ZNF618: variants seen among roughly 807,000 people sequenced by gnomAD.
ZNF618 encodes zinc finger protein 618.
In ZNF618, 34 loss-of-function variants were observed where a neutral mutation model predicts 103.0. The observed-to-expected ratio is 0.33, with a 90% CI of 0.25 to 0.44. The LOEUF (loss-of-function observed/expected upper bound fraction) is 0.44. Ranked by LOEUF, ZNF618 falls within the 20% of genes least tolerant of loss-of-function variation. ZNF618 has a pLI of 1.00. For synonymous variants in ZNF618, 551 were observed against 542.2 expected (o/e 1.02, Z -0.23); for missense variants, 1,059 against 1,295.4 (o/e 0.82, Z 2.80).
intron 10 of ZNF618, 55 bp downstream of exon 10, chr9:114,016,839 C>A: frequency 6.9e-7 from 1 of 1,441,316 alleles, no homozygotes; most frequent in Non-Finnish European, 9.6e-7. Flanking sequence ...ACAGGGTGGG[C>A]CAGCCGTTGG....
chr9:113,968,159 T>C (rs984463282), intron 1 of ZNF618, among the ~76,000 whole-genome samples: 2 of 152,128 alleles, frequency 1.3e-5, no homozygotes, highest in African/African-American at 4.8e-5. Flanking sequence ...ACAGTCCTCA[T>C]TGTTGTTTTG....
chr9:113,894,584 T>G (rs1473201155), intron 1 of ZNF618, among the ~76,000 whole-genome samples: 3 of 152,220 alleles, frequency 2.0e-5, no homozygotes, highest in African/African-American at 7.2e-5. Context: ...ATTATGTTTT[T>G]TCCACCCGGT....
chr9:114,008,327 C>T lies in ZNF618; in HGVS notation c.641-17C>T. 1 of 1,613,270 alleles carries T rather than the reference C, an allele frequency of 6.2e-7. No individual in the cohort carries two copies. The highest frequency in any genetic ancestry group is 8.5e-7 in the Non-Finnish European group (1 of 1,179,848). ...GTTTCTTTCCTTCTGCGGCTGCCGC[C>T]TCCTGCCCGGGCGCAGTGTTTAGTG... On this transcript the variant is annotated splice_polypyrimidine_tract_variant and intron_variant, in intron 7 of 14. Coordinates refer to ENST00000374126, the MANE Select transcript of ZNF618 (RefSeq NM_001318042.2).
rs564715873 is a variant in ZNF618, at chr9:113,988,251, G to T, written c.78-70G>T. 165 of 1,532,328 alleles carry T rather than the reference G, an allele frequency of 1.1e-4. No homozygotes were observed. The African/African-American group carries it at 2.1e-3, about 20-fold the overall frequency. The allele number at this position is 1,532,328 out of a possible 1,614,324, so 94.9% of individuals were successfully genotyped here. A position where few individuals can be genotyped will look rare whatever the true frequency, so the allele number is the denominator to read the frequency against. On this transcript the variant is annotated intron_variant, in intron 2 of 14. Transcript: ENST00000374126. ...ACACAGCCTGGCATGTCCCTGTGGT[G>T]CCATGGGCTGGTGGGCTCCTGTGTT...
chr9:113,901,271 C>A (rs1228991194), intron 1 of ZNF618, among the ~76,000 whole-genome samples: 2 of 152,222 alleles, frequency 1.3e-5, no homozygotes, highest in Non-Finnish European at 2.9e-5. Flanking sequence ...TCCTCAAGTT[C>A]TCCTGCGTCG....
At chr9:113,882,281 G>A (rs1828600002) in intron 1 of ZNF618, among the ~76,000 whole-genome samples, 1 of 152,178 alleles carries the variant, frequency 6.6e-6, no homozygotes, top group East Asian at 1.9e-4. Context: ...TCATGGTGTG[G>A]TTAGCTTTGT....
At chr9:114,014,578 T>C (rs1588344414) in intron 9 of ZNF618, among the ~76,000 whole-genome samples, 1 of 152,222 alleles carries the variant, frequency 6.6e-6, no homozygotes, top group East Asian at 1.9e-4. Flanking sequence ...TGAATGACAG[T>C]ACGAGAAAAT....
At chr9:113,967,132 G>T (rs1421394795) in intron 1 of ZNF618, among the ~76,000 whole-genome samples, 1 of 152,168 alleles carries the variant, frequency 6.6e-6, no homozygotes, top group East Asian at 1.9e-4. Flanking sequence ...AAAAATACAC[G>T]CACAGAATTA....
intron 2 of ZNF618, among the ~76,000 whole-genome samples, chr9:113,971,052 C>T (rs1050912214): frequency 3.3e-5 from 5 of 150,172 alleles, no homozygotes; most frequent in African/African-American, 1.2e-4. Flanking sequence ...GGCCTGTGGT[C>T]ATTGGGGGTG....
At chr9:113,999,059 A>G (rs1283486486) in intron 4 of ZNF618, among the ~76,000 whole-genome samples, 1 of 152,210 alleles carries the variant, frequency 6.6e-6, no homozygotes, top group African/African-American at 2.4e-5. Flanking sequence ...GTGGTGAGCC[A>G]GGGTTTGCAC....
intron 1 of ZNF618, among the ~76,000 whole-genome samples, chr9:113,940,134 T>A (rs539358832): frequency 7.2e-4 from 108 of 150,096 alleles, no homozygotes; most frequent in Admixed American, 1.5e-3. Flanking sequence ...AAAAAAAAAA[T>A]ACTCCTCCAA....
At chr9:113,888,511 G>C (rs894447609) in intron 1 of ZNF618, among the ~76,000 whole-genome samples, 1 of 152,238 alleles carries the variant, frequency 6.6e-6, no homozygotes. Context: ...GGGGCCTCCC[G>C]GATTCAGAAT....
Position 114,049,764 on chromosome 9 carries a change from A to G in ZNF618, c.2462A>G (p.Gln821Arg). Residue 821 changes from glutamine to arginine, a missense_variant, in exon 15 of 15, where the codon CAG becomes CGG. Physicochemically the swap from Gln to Arg is conservative, Grantham distance 43 (BLOSUM62 1). Around this residue, in one of 6 missense-constraint regions of ZNF618, gnomAD observed 156 missense variants for 197.1 expected, o/e 0.79. Coordinates refer to ENST00000374126, the MANE Select transcript of ZNF618 (RefSeq NM_001318042.2). ...AAGCTGCGGCCTGTGCCACCCTACCAGCACGAGGAGATCATCGGCAAGGTC... is the reference window on the plus strand; with the variant it reads ...AAGCTGCGGCCTGTGCCACCCTACCGGCACGAGGAGATCATCGGCAAGGTC... ...QQKLRPVPPYQHEEIIGKVCE... is the reference protein window; with the variant it reads ...QQKLRPVPPYRHEEIIGKVCE... The G allele has an allele frequency of 6.2e-7, 1 of 1,613,976 alleles. No individual in the cohort carries two copies. The highest frequency in any genetic ancestry group is 8.5e-7 in the Non-Finnish European group (1 of 1,179,900).
At chr9:114,026,410 G>A (rs565285475) in intron 10 of ZNF618, among the ~76,000 whole-genome samples, 1 of 152,266 alleles carries the variant, frequency 6.6e-6, no homozygotes, top group East Asian at 1.9e-4. Context: ...GCCTCAGAAT[G>A]CCAGGATCTT....
chr9:113,943,846 T>C (rs1305374225), intron 1 of ZNF618, among the ~76,000 whole-genome samples: 2 of 152,042 alleles, frequency 1.3e-5, no homozygotes, highest in African/African-American at 4.8e-5. Flanking sequence ...AGTGGAGGGC[T>C]TGGACTTCAG....
intron 2 of ZNF618, among the ~76,000 whole-genome samples, chr9:113,970,823 C>T (rs1837891285): frequency 6.6e-6 from 1 of 150,684 alleles, no homozygotes; most frequent in Non-Finnish European, 1.5e-5. Context: ...TATTTCATTC[C>T]CTTCCCTGTG....
intron 2 of ZNF618, among the ~76,000 whole-genome samples, chr9:113,986,103 T>A (rs191599378): frequency 1.3e-5 from 2 of 152,348 alleles, no homozygotes; most frequent in Admixed American, 1.3e-4. Context: ...TGTGTCATTA[T>A]TAACAATGGT....
chr9:114,029,500 A>T (rs1011828265), intron 11 of ZNF618, among the ~76,000 whole-genome samples: 3 of 152,166 alleles, frequency 2.0e-5, no homozygotes, highest in African/African-American at 7.2e-5. Flanking sequence ...CACAATGGCC[A>T]TGTGGCAGGT....
At chr9:114,012,118 C>T (rs1842307693) in intron 9 of ZNF618, among the ~76,000 whole-genome samples, 1 of 151,194 alleles carries the variant, frequency 6.6e-6, no homozygotes, top group Non-Finnish European at 1.5e-5. Flanking sequence ...AATGATCTAC[C>T]ACAAAATCTA....
Sources: allele counts gnomAD v4.1 joint callset (sites outside exome capture counted in the v4.1 genomes callset), GRCh38; gene constraint gnomAD v4.1.1; regional missense constraint gnomAD v4.1.1; transcripts MANE v1.5; gene names NCBI Gene and HGNC (gene_info 2026-07-23, HGNC 2026-07-21).